The following NXPH1 variants were observed in gnomAD, a reference collection of about 807,000 sequenced individuals.
NXPH1 encodes the protein neurexophilin 1, also known as neurexophilin-1.
Under a neutral mutation model 23.7 loss-of-function variants are expected in NXPH1, and 5 were observed. The ratio of observed to expected loss-of-function variants is 0.21; its 90% confidence interval spans 0.11 to 0.44. The LOEUF (loss-of-function observed/expected upper bound fraction) is 0.44, where lower values mean the gene tolerates loss of function less well. NXPH1 is among the 20% of genes least tolerant of loss of function. NXPH1 has a pLI of 0.99. For missense variants in NXPH1, 324 were observed against 321.6 expected, an observed-to-expected ratio of 1.01 and a Z score of -0.06; for synonymous variants, 144 against 122.2, an observed-to-expected ratio of 1.18 and a Z score of -1.18.
chr7:8,585,845 C>T (rs552325692), intron 2 of NXPH1, among the ~76,000 whole-genome samples: 2 of 152,238 alleles, frequency 1.3e-5, no homozygotes, highest in South Asian at 4.1e-4. Flanking sequence ...TGTGACAGTG[C>T]CACATTTTTA....
intron 2 of NXPH1, among the ~76,000 whole-genome samples, chr7:8,588,446 C>A (rs1043342106): frequency 1.4e-5 from 2 of 144,348 alleles, no homozygotes; most frequent in Non-Finnish European, 3.0e-5. Context: ...AAAGTTGTGT[C>A]CCAGGACAGT....
chr7:8,706,451 T>C (rs1779708570), intron 2 of NXPH1, among the ~76,000 whole-genome samples: 1 of 152,118 alleles, frequency 6.6e-6, no homozygotes, highest in Admixed American at 6.5e-5. Flanking sequence ...AATAGTTGAG[T>C]GCCAAGAGAA....
intron 2 of NXPH1, among the ~76,000 whole-genome samples, chr7:8,448,622 G>A (rs986714459): frequency 2.0e-5 from 3 of 152,226 alleles, no homozygotes; most frequent in Admixed American, 1.3e-4. Context: ...TTTGAGACCA[G>A]CCTGGGCAAC....
chr7:8,723,001 A>C (rs1330534370), intron 2 of NXPH1, among the ~76,000 whole-genome samples: 3 of 152,200 alleles, frequency 2.0e-5, no homozygotes. Flanking sequence ...CTGTAGAGTC[A>C]AGCCAAAAAT....
chr7:8,568,321 T>C (rs187417185), intron 2 of NXPH1, among the ~76,000 whole-genome samples: 1 of 151,944 alleles, frequency 6.6e-6, no homozygotes, highest in Non-Finnish European at 1.5e-5. Flanking sequence ...TAATAATGTA[T>C]TTTCTTTAGC....
intron 2 of NXPH1, among the ~76,000 whole-genome samples, chr7:8,517,364 T>C (rs917548417): frequency 6.6e-6 from 1 of 152,074 alleles, no homozygotes; most frequent in South Asian, 2.1e-4. Context: ...GTGGAGGACA[T>C]ATGTGGAGGA....
At chr7:8,623,205 G>A (rs985353510) in intron 2 of NXPH1, among the ~76,000 whole-genome samples, 11 of 152,142 alleles carry the variant, frequency 7.2e-5, no homozygotes, top group African/African-American at 2.7e-4. Context: ...CTCTGCAGGT[G>A]CAGAGGAGTG....
intron 2 of NXPH1, among the ~76,000 whole-genome samples, chr7:8,674,162 G>GAC (rs35790323): frequency 0.057 from 4,883 of 86,120 alleles, 102 homozygotes; most frequent in Non-Finnish European, 0.069. Context: ...CAAACATATA[G>GAC]ACACACACAC....
chr7:8,575,415 A>G (rs547207502), intron 2 of NXPH1, among the ~76,000 whole-genome samples: 26 of 152,256 alleles, frequency 1.7e-4, no homozygotes, highest in African/African-American at 6.3e-4. Context: ...CTTTTGTTTT[A>G]TATGTGACTG....
chr7:8,671,234 A>G (rs1044797574), intron 2 of NXPH1, among the ~76,000 whole-genome samples: 6 of 152,254 alleles, frequency 3.9e-5, no homozygotes, highest in Admixed American at 1.3e-4. Flanking sequence ...TGGTAATGTT[A>G]TTACAGGAAA....
intron 2 of NXPH1, among the ~76,000 whole-genome samples, chr7:8,449,068 C>T (rs1025851496): frequency 6.6e-6 from 1 of 152,210 alleles, no homozygotes; most frequent in African/African-American, 2.4e-5. Flanking sequence ...AATTTGCACA[C>T]AGTATAATCA....
chr7:8,681,615 A>G (rs568493148), intron 2 of NXPH1, among the ~76,000 whole-genome samples: 1 of 152,328 alleles, frequency 6.6e-6, no homozygotes, highest in African/African-American at 2.4e-5. Flanking sequence ...CAATTACAAT[A>G]CTTCAGGCAT....
intron 2 of NXPH1, among the ~76,000 whole-genome samples, chr7:8,507,583 G>T (rs1286281835): frequency 6.6e-6 from 1 of 152,036 alleles, no homozygotes; most frequent in African/African-American, 2.4e-5. Context: ...TATAAAAGCA[G>T]GATTTTACCG....
chr7:8,644,869 A>G (rs1820370631), intron 2 of NXPH1, among the ~76,000 whole-genome samples: 2 of 152,158 alleles, frequency 1.3e-5, no homozygotes, highest in Admixed American at 1.3e-4. Context: ...TAATTTTACT[A>G]TATATGTTTA....
chr7:8,601,769 G>C (rs1052974696), intron 2 of NXPH1, among the ~76,000 whole-genome samples: 13 of 152,162 alleles, frequency 8.5e-5, no homozygotes, highest in Admixed American at 2.0e-4. Flanking sequence ...TCACTTCCCA[G>C]ATTTGTGATC....
intron 2 of NXPH1, among the ~76,000 whole-genome samples, chr7:8,444,365 C>A (rs1240871422): frequency 6.6e-6 from 1 of 152,180 alleles, no homozygotes; most frequent in Admixed American, 6.5e-5. Context: ...TTCTCTGAGG[C>A]CCTGGCGAGA....
At chr7:8,609,148 C>G (rs1490339908) in intron 2 of NXPH1, among the ~76,000 whole-genome samples, 1 of 152,028 alleles carries the variant, frequency 6.6e-6, no homozygotes, top group Non-Finnish European at 1.5e-5. Context: ...ATATTAGGTC[C>G]AAAGATATAT....
At chr7:8,663,458 C>CA in intron 2 of NXPH1, among the ~76,000 whole-genome samples, 1 of 151,750 alleles carries the variant, frequency 6.6e-6, no homozygotes, top group East Asian at 1.9e-4. Context: ...CAAAACAAAA[C>CA]AAAAAAATCC....
chr7:8,679,558 T>C (rs1821018894), intron 2 of NXPH1, among the ~76,000 whole-genome samples: 1 of 152,220 alleles, frequency 6.6e-6, no homozygotes. Context: ...TATTGTCAAT[T>C]TTCCCTCAAT....
Sources: gnomAD v4.1 joint callset for allele counts (sites outside exome capture counted in the v4.1 genomes callset) on GRCh38, gnomAD v4.1.1 for gene constraint, MANE v1.5 for transcripts, NCBI Gene and HGNC (gene_info 2026-07-23, HGNC 2026-07-21) for gene names.